Variants in GNA12 observed in about 807,000 individuals in gnomAD.
GNA12 encodes the protein G protein subunit alpha 12.
A neutral mutation model predicts 26.0 loss-of-function variants in GNA12; 9 were observed. The ratio of observed to expected loss-of-function variants is 0.35; its 90% CI spans 0.21 to 0.60. The LOEUF (loss-of-function observed/expected upper bound fraction) is 0.60. Ranked by LOEUF, GNA12 falls within the 20% of genes least tolerant of loss-of-function variation. The pLI is 0.78. For missense variants in GNA12, 405 were observed against 525.8 expected (o/e 0.77, Z 2.25); for synonymous variants, 264 against 219.6 (o/e 1.20, Z -1.79).
rs116289855 is a variant in GNA12, at chr7:2,815,157, A to G, written c.310-20014T>C. On this transcript the variant is annotated intron_variant, in intron 1 of 3. Transcript: ENST00000275364. ...TGGAGAAGGAGCAATACAAAAAGCA[A>G]GTGGACAGGAACATCGGCGAGGTGC... The G allele has an allele frequency of 2.0e-3, 1,246 of 609,702 alleles. 16 individuals are homozygous for G. In the African/African-American group the frequency reaches 0.022, roughly 11 times the overall value. The allele number at this position is 609,702 out of a possible 1,614,324, so 37.8% of individuals were successfully genotyped here.
At chr7:2,735,973 G>A (rs11764225) in intron 2 of GNA12, among the ~76,000 whole-genome samples, 17,511 of 152,190 alleles carry the variant, frequency 0.12, 1,103 homozygotes, top group Middle Eastern at 0.18. Context: ...CTGTCCCTGA[G>A]GTTTGGTGCA....
At chr7:2,816,879 C>T (rs2115490532) in intron 1 of GNA12, among the ~76,000 whole-genome samples, 1 of 152,324 alleles carries the variant, frequency 6.6e-6, no homozygotes, top group East Asian at 1.9e-4. Context: ...ATGTGCAATG[C>T]ACTCCGGTGA....
At chr7:2,738,746 T>C (rs973328150) in intron 2 of GNA12, among the ~76,000 whole-genome samples, 24 of 152,212 alleles carry the variant, frequency 1.6e-4, no homozygotes, top group South Asian at 6.2e-4. Flanking sequence ...CCCCTCAAAA[T>C]TGAACCCAAA....
At position 2,731,831 on chromosome 7, in the gene GNA12, A is replaced by G. The variant is rs925672791; in HGVS notation, c.577-81T>C. 2 of 747,166 alleles carry G rather than the reference A, an allele frequency of 2.7e-6. No individual in the cohort carries two copies. Among genetic ancestry groups the G allele is most frequent in the Non-Finnish European group, 4.1e-6 (2 of 491,114 alleles). 46.3% of individuals were successfully genotyped at this position (747,166 alleles called of 1,614,324 possible). On this transcript the variant is annotated intron_variant, in intron 3 of 3. Coordinates refer to ENST00000275364, the MANE Select transcript of GNA12 (RefSeq NM_007353.3). The surrounding 1 kb of genome is among the most constrained non-coding windows in gnomAD (Gnocchi z 6.0). ...ATAGAAACAAAAAGATGGCAAAAAG[A>G]TAAGAAGGAAAGAGACTGACTTTTG...
chr7:2,833,186 G>A (rs1275838717), intron 1 of GNA12, among the ~76,000 whole-genome samples: 1 of 152,168 alleles, frequency 6.6e-6, no homozygotes, highest in Non-Finnish European at 1.5e-5. Context: ...AATAGTTACG[G>A]CATGAAATGA....
intron 2 of GNA12, among the ~76,000 whole-genome samples, chr7:2,787,878 G>A (rs911883413): frequency 1.7e-4 from 26 of 152,236 alleles, no homozygotes; most frequent in African/African-American, 5.8e-4. Context: ...GCCAGGGCCG[G>A]GCACCATGGC....
chr7:2,760,738 G>C (rs1205552377), intron 2 of GNA12, among the ~76,000 whole-genome samples: 1 of 152,176 alleles, frequency 6.6e-6, no homozygotes, highest in African/African-American at 2.4e-5. Context: ...GTTTAGCTAC[G>C]ACCATTTCTA....
chr7:2,744,559 A>G (rs1047078408), intron 2 of GNA12, among the ~76,000 whole-genome samples: 9 of 152,196 alleles, frequency 5.9e-5, no homozygotes, highest in African/African-American at 2.2e-4. Context: ...AAAGACCACA[A>G]AGATGGGGAA....
At chr7:2,759,565 G>A (rs947670207) in intron 2 of GNA12, among the ~76,000 whole-genome samples, 7 of 152,362 alleles carry the variant, frequency 4.6e-5, no homozygotes, top group African/African-American at 1.7e-4. Context: ...TAGTGGTGAC[G>A]CTGGGGTGGC....
rs567628233 is a variant in GNA12, at chr7:2,782,176, T to C, written c.525+12752A>G. Among the ~76,000 whole-genome samples the C allele has an allele frequency of 2.6e-5, 4 of 152,248 alleles. No individual in the cohort carries two copies. In the South Asian group the frequency reaches 8.3e-4, roughly 32 times the overall value. On this transcript the variant is annotated intron_variant, in intron 2 of 3. Transcript: ENST00000275364. ...ACTCAAAATTTACCAAAAACCTAAATAGAAAATAACTTAAACATAAAAAGA... is the reference window on the plus strand; with the variant it reads ...ACTCAAAATTTACCAAAAACCTAAACAGAAAATAACTTAAACATAAAAAGA...
intron 1 of GNA12, among the ~76,000 whole-genome samples, chr7:2,804,065 G>C (rs757017217): frequency 4.6e-5 from 7 of 152,182 alleles, no homozygotes; most frequent in African/African-American, 9.7e-5. Context: ...ACAAACACTA[G>C]TACAAGGGGG....
chr7:2,763,586 AAAC>A (rs1296766693), intron 2 of GNA12, among the ~76,000 whole-genome samples: 10 of 152,254 alleles, frequency 6.6e-5, no homozygotes, highest in Admixed American at 2.0e-4. Context: ...TCGAAACAAA[AAAC>A]AATTATTTTA....
At chr7:2,776,936 A>G (rs1414079710) in intron 2 of GNA12, among the ~76,000 whole-genome samples, 5 of 147,504 alleles carry the variant, frequency 3.4e-5, no homozygotes. Context: ...GGTGACAGAG[A>G]CTCTGTCTCA....
intron 2 of GNA12, among the ~76,000 whole-genome samples, chr7:2,779,213 G>A (rs771482131): frequency 4.6e-5 from 7 of 152,074 alleles, no homozygotes; most frequent in Non-Finnish European, 8.8e-5. Flanking sequence ...AGCCTGATGT[G>A]GTGGCATGCC....
In GNA12 at chr7:2,844,277, GCGTCCGC is replaced by G. The variant is rs1194399933; in HGVS notation, c.-123_-117del. The G allele has an allele frequency of 7.5e-6, 3 of 401,148 alleles. No individual in the cohort carries two copies. The highest frequency in any genetic ancestry group is 2.2e-5 in the African/African-American group (1 of 45,706). 24.8% of individuals were successfully genotyped at this position (401,148 alleles called of 1,614,324 possible). ...CACGCCCCGCCGCTCGCCTCAGGCCGCGTCCGCCGCCGCCGCTGCAGTCGCTCCGAGG... is the reference window on the plus strand; with the variant it reads ...CACGCCCCGCCGCTCGCCTCAGGCCGCGCCGCCGCTGCAGTCGCTCCGAGG... On this transcript the variant is annotated 5_prime_UTR_variant, in exon 1 of 4. Transcript: ENST00000275364.
At chr7:2,835,042 C>G (rs887312156) in intron 1 of GNA12, among the ~76,000 whole-genome samples, 2 of 152,202 alleles carry the variant, frequency 1.3e-5, no homozygotes, top group Admixed American at 1.3e-4. Context: ...AAAGGCTACA[C>G]TAATGCAATC....
In GNA12 at chr7:2,814,733, C is replaced by T. The variant is rs570977976; in HGVS notation, c.310-19590G>A. On this transcript the variant is annotated intron_variant, in intron 1 of 3. Transcript: ENST00000275364. Reference sequence around the variant, plus strand: ...CCAGATGTGAACTCCTTGCATATAACGGCCTTCCACAGAAGTTTATCAGCC... The same window carrying T: ...CCAGATGTGAACTCCTTGCATATAATGGCCTTCCACAGAAGTTTATCAGCC... The T allele has an allele frequency of 4.1e-5, 29 of 700,150 alleles. 1 individual carries two copies. The highest frequency in any genetic ancestry group is 7.2e-5 in the South Asian group (4 of 55,668). 43.4% of individuals were successfully genotyped at this position (700,150 alleles called of 1,614,324 possible).
At position 2,731,164 on chromosome 7, in the gene GNA12, C is replaced by G. The variant is rs376042551; in HGVS notation, c.*17G>C. ...GTGGGGGCTGCTCAACGACGACAAA[C>G]CCCGGGGCTTCCTCGCTCACTGCAG... On this transcript the variant is annotated 3_prime_UTR_variant, in exon 4 of 4. Transcript: ENST00000275364. The surrounding 1 kb of genome is among the most constrained non-coding windows in gnomAD (Gnocchi z 6.0). The G allele has an allele frequency of 1.9e-6, 3 of 1,578,170 alleles. No individual in the cohort carries two copies. The highest frequency in any genetic ancestry group is 1.7e-4 in the Middle Eastern group (1 of 5,910).
intron 1 of GNA12, among the ~76,000 whole-genome samples, chr7:2,810,445 C>T (rs1793053867): frequency 6.6e-6 from 1 of 152,152 alleles, no homozygotes; most frequent in Non-Finnish European, 1.5e-5. Flanking sequence ...CACATTCAGA[C>T]CATAGCACTG....
Sources: gnomAD v4.1 joint callset for allele counts (sites outside exome capture counted in the v4.1 genomes callset) on GRCh38, gnomAD v4.1.1 for gene constraint, Gnocchi (gnomAD v3.1) non-coding constraint, MANE v1.5 for transcripts, NCBI Gene and HGNC (gene_info 2026-07-23, HGNC 2026-07-21) for gene names.